GLT1D1: variants seen among roughly 807,000 people sequenced by gnomAD.
GLT1D1 encodes the protein glycosyltransferase 1 domain-containing protein 1.
In GLT1D1, 21 loss-of-function variants were observed where a neutral mutation model predicts 28.7. The ratio of observed to expected loss-of-function variants is 0.73; its 90% CI spans 0.52 to 1.05. The LOEUF (loss-of-function observed/expected upper bound fraction) is 1.05, where lower values mean the gene tolerates loss of function less well. Among genes scored for constraint, GLT1D1 ranks in the 50% least tolerant of loss-of-function variants. GLT1D1 has a pLI of 0.00. For missense variants in GLT1D1, 343 were observed against 330.6 expected, an observed-to-expected ratio of 1.04 and a Z score of -0.29; for synonymous variants, 147 against 124.8, an observed-to-expected ratio of 1.18 and a Z score of -1.19.
At chr12:128,862,027 C>T (rs888556738) in intron 1 of GLT1D1, among the ~76,000 whole-genome samples, 6 of 152,114 alleles carry the variant, frequency 3.9e-5, no homozygotes, top group Admixed American at 1.3e-4. Flanking sequence ...AATTTTTCCA[C>T]GTCCAAAGAT....
chr12:128,867,849 G>T (rs918254712), intron 1 of GLT1D1, among the ~76,000 whole-genome samples: 1 of 152,200 alleles, frequency 6.6e-6, no homozygotes, highest in African/African-American at 2.4e-5. Context: ...GTCCGAGGGG[G>T]CAGAGGTCAA....
At chr12:128,906,317 A>G (rs1235955499) in intron 4 of GLT1D1, among the ~76,000 whole-genome samples, 1 of 152,184 alleles carries the variant, frequency 6.6e-6, no homozygotes, top group East Asian at 1.9e-4. Flanking sequence ...GTTCTAGTCC[A>G]CGTTTAGAGC....
At chr12:128,929,099 G>A (rs926394886) in intron 4 of GLT1D1, among the ~76,000 whole-genome samples, 28 of 152,244 alleles carry the variant, frequency 1.8e-4, no homozygotes, top group African/African-American at 6.3e-4. Context: ...GAGCTGCCTC[G>A]CCCCTTCCAC....
At chr12:128,940,641 A>G (rs1306988034) in intron 4 of GLT1D1, among the ~76,000 whole-genome samples, 1 of 152,194 alleles carries the variant, frequency 6.6e-6, no homozygotes, top group African/African-American at 2.4e-5. Context: ...CATGAATTCA[A>G]CAAGTGTGTT....
chr12:128,860,670 G>A (rs371745955), intron 1 of GLT1D1, among the ~76,000 whole-genome samples: 12 of 152,126 alleles, frequency 7.9e-5, no homozygotes, highest in Non-Finnish European at 1.2e-4. Flanking sequence ...GTGTGGACTC[G>A]ATCCTTCGGG....
At chr12:128,901,758 T>A (rs1199522050) in intron 4 of GLT1D1, among the ~76,000 whole-genome samples, 2 of 150,868 alleles carry the variant, frequency 1.3e-5, no homozygotes, top group African/African-American at 2.5e-5. Context: ...ATTATTATTA[T>A]TTTTTTTGAG....
intron 7 of GLT1D1, among the ~76,000 whole-genome samples, chr12:128,973,723 C>T (rs1446419833): frequency 2.6e-5 from 4 of 152,106 alleles, no homozygotes; most frequent in Non-Finnish European, 5.9e-5. Flanking sequence ...CCAAAGCACA[C>T]CAGAGCAGCA....
intron 1 of GLT1D1, among the ~76,000 whole-genome samples, chr12:128,860,797 G>C (rs1274530608): frequency 6.6e-6 from 1 of 152,156 alleles, no homozygotes; most frequent in Non-Finnish European, 1.5e-5. Flanking sequence ...CTGGTGGTGA[G>C]GTTGGAAGGA....
At chr12:128,917,856 G>A (rs576516633) in intron 4 of GLT1D1, among the ~76,000 whole-genome samples, 6 of 152,142 alleles carry the variant, frequency 3.9e-5, no homozygotes, top group Middle Eastern at 3.2e-3. Flanking sequence ...AAATAAGAAC[G>A]CTTTTACCCT....
chr12:128,949,160 T>G (rs1230331463), intron 6 of GLT1D1, among the ~76,000 whole-genome samples: 1 of 152,244 alleles, frequency 6.6e-6, no homozygotes, highest in African/African-American at 2.4e-5. Flanking sequence ...ACTGCTCCTT[T>G]GTAGGTAAAT....
intron 4 of GLT1D1, among the ~76,000 whole-genome samples, chr12:128,909,329 C>CT (rs33945594): frequency 0.13 from 19,094 of 151,164 alleles, 1,619 homozygotes; most frequent in African/African-American, 0.25. Context: ...ATATTACTTT[C>CT]TTTTTTTTTA....
chr12:128,982,387 C>A (rs1880400961), intron 7 of GLT1D1, among the ~76,000 whole-genome samples: 1 of 152,190 alleles, frequency 6.6e-6, no homozygotes, highest in Non-Finnish European at 1.5e-5. Context: ...GGCTCTGAAG[C>A]ACTAGTGCTT....
chr12:128,900,460 A>C lies in GLT1D1; in HGVS notation c.375+1173A>C, dbSNP rs1870124162. ...CTTCCGAAAGCTCGGGATGCTAGACATATGTGAATGTGAAGTTGCACACGC... is the reference window on the plus strand; with the variant it reads ...CTTCCGAAAGCTCGGGATGCTAGACCTATGTGAATGTGAAGTTGCACACGC... On this transcript the variant is annotated intron_variant, in intron 4 of 7. Coordinates refer to ENST00000281703, the MANE Select transcript of GLT1D1 (RefSeq NM_144669.3). Among the ~76,000 whole-genome samples the C allele has an allele frequency of 2.6e-5, 4 of 152,204 alleles. No homozygotes were observed. The South Asian group carries it at 8.3e-4, about 31-fold the overall frequency.
At position 128,983,644 on chromosome 12, in the gene GLT1D1, C is replaced by T. The variant is rs537228025; in HGVS notation, c.*554C>T. 287 of 152,488 alleles carry T rather than the reference C, an allele frequency of 1.9e-3. No homozygotes were observed. Among genetic ancestry groups the T allele is most frequent in the Non-Finnish European group, 3.5e-3 (237 of 68,158 alleles). 9.4% of individuals were successfully genotyped at this position (152,488 alleles called of 1,614,324 possible). The stretch of plus-strand genomic sequence containing the variant: ...GCTGTGAGTGAGCTCACGCCCGGCA[C>T]AGCTCACTTTTCAATGGTGGAATTG... On this transcript the variant is annotated 3_prime_UTR_variant, in exon 8 of 8. Transcript: ENST00000281703. The surrounding 1 kb of genome is among the most constrained non-coding windows in gnomAD (Gnocchi z 4.7).
At chr12:128,975,818 G>A (rs997384147) in intron 7 of GLT1D1, among the ~76,000 whole-genome samples, 4 of 152,230 alleles carry the variant, frequency 2.6e-5, no homozygotes, top group Non-Finnish European at 5.9e-5. Context: ...TGTTCAGGGT[G>A]AAATAACTTC....
chr12:128,917,651 C>A (rs563211363), intron 4 of GLT1D1, among the ~76,000 whole-genome samples: 2 of 152,220 alleles, frequency 1.3e-5, no homozygotes, highest in Admixed American at 6.5e-5. Context: ...AGAAAGACAC[C>A]CCAAGTCTGT....
In GLT1D1 at chr12:128,947,390, G is replaced by A. The variant is rs765843714; in HGVS notation, c.472G>A (p.Val158Met). The A allele has an allele frequency of 6.8e-5, 109 of 1,614,080 alleles. 1 individual carries two copies. The Middle Eastern group carries it at 9.9e-4, about 15-fold the overall frequency. Reference sequence around the variant, plus strand: ...GATGCCTCAAGAAGATCTGCACGCGGTGGTGAAGAATTGCTTCGCGGTGGT... The same window carrying A: ...GATGCCTCAAGAAGATCTGCACGCGATGGTGAAGAATTGCTTCGCGGTGGT... The change falls in exon 6 of 8, where the codon GTG (valine) becomes ATG (methionine). Residue 158 changes from valine to methionine, a missense_variant. By Grantham distance (21) the Val-to-Met change is conservative. Transcript: ENST00000281703.
At chr12:128,925,040 GT>G (rs370274035) in intron 4 of GLT1D1, among the ~76,000 whole-genome samples, 60 of 142,496 alleles carry the variant, frequency 4.2e-4, no homozygotes, top group African/African-American at 6.7e-4. Context: ...ATTGTTTTTT[GT>G]TTTTTTTTTT....
At chr12:128,855,241 A>C (rs867562499) in intron 1 of GLT1D1, among the ~76,000 whole-genome samples, 1,473 of 139,566 alleles carry the variant, frequency 0.011, 32 homozygotes, top group African/African-American at 0.037. Flanking sequence ...AAAAAAAAAA[A>C]AACAACAACA....
Sources: gnomAD v4.1 joint callset for allele counts (sites outside exome capture counted in the v4.1 genomes callset) on GRCh38, gnomAD v4.1.1 for gene constraint, Gnocchi (gnomAD v3.1) non-coding constraint, MANE v1.5 for transcripts, NCBI Gene and HGNC (gene_info 2026-07-23, HGNC 2026-07-21) for gene names.